Variants in ITGA2 observed in about 807,000 individuals in gnomAD.
The protein encoded by ITGA2 is integrin subunit alpha 2.
A neutral mutation model predicts 146.3 loss-of-function variants in ITGA2; 101 were observed. The observed-to-expected ratio is 0.69, with a 90% confidence interval of 0.59 to 0.81. ITGA2 has a LOEUF of 0.81. ITGA2 is among the 40% of genes least tolerant of loss of function. The pLI, the probability that ITGA2 is intolerant of heterozygous loss-of-function variation, is 0.00. For synonymous variants in ITGA2, 477 were observed against 487.1 expected (o/e 0.98, Z 0.27); for missense variants, 1,281 against 1,402.7 (o/e 0.91, Z 1.39).
At chr5:53,066,342 C>T (rs559709597) in intron 15 of ITGA2, among the ~76,000 whole-genome samples, 18 of 151,836 alleles carry the variant, frequency 1.2e-4, no homozygotes, top group Non-Finnish European at 2.5e-4. Flanking sequence ...AAATTCAGAC[C>T]ACACAAGTAA....
intron 1 of ITGA2, among the ~76,000 whole-genome samples, chr5:53,026,061 A>T (rs1460224342): frequency 6.6e-6 from 1 of 152,234 alleles, no homozygotes; most frequent in Non-Finnish European, 1.5e-5. Context: ...AGAAAGAAGC[A>T]TCAAAAACAA....
intron 9 of ITGA2, 97 bp downstream of exon 9, chr5:53,056,246 A>G (rs768650826): frequency 1.3e-5 from 14 of 1,062,086 alleles, no homozygotes; most frequent in Non-Finnish European, 1.8e-5. Flanking sequence ...CTTGTATACC[A>G]TGTATAAAAA....
intron 1 of ITGA2, among the ~76,000 whole-genome samples, chr5:53,013,374 CTT>C (rs35674544): frequency 7.1e-6 from 1 of 141,320 alleles, no homozygotes; most frequent in Non-Finnish European, 1.6e-5. Context: ...CTATTTCTTT[CTT>C]TTTTTTTTTT....
chr5:53,072,006 C>G lies in ITGA2; in HGVS notation c.2304C>G (p.Ser768Arg), dbSNP rs757218737. The G allele has an allele frequency of 1.2e-6, 2 of 1,612,292 alleles. No individual in the cohort carries two copies. The highest frequency in any genetic ancestry group is 8.5e-7 in the Non-Finnish European group (1 of 1,178,912). Residue 768 changes from serine (S) to arginine (R), a missense_variant, in exon 18 of 30, where the codon AGC becomes AGG. This residue lies in a region of ITGA2 where 475 missense variants were observed against 530.5 expected (regional missense o/e 0.90). Coordinates refer to ENST00000296585, the MANE Select transcript of ITGA2 (RefSeq NM_002203.4). The part of the protein sequence containing the change: ...VDISLENPGT[S>R]PALEAYSETA... ...TCAGTCTGGAAAACCCTGGCACTAG[C>G]CCTGCCCTTGAAGCCTATTCTGAGA...
At chr5:53,036,734 T>G (rs1210086769) in intron 2 of ITGA2, among the ~76,000 whole-genome samples, 1 of 151,704 alleles carries the variant, frequency 6.6e-6, no homozygotes, top group East Asian at 2.0e-4. Flanking sequence ...CCCACTAGAA[T>G]GTAAGCTCCT....
chr5:53,066,096 G>A (rs1231025653), intron 15 of ITGA2, 119 bp downstream of exon 15: 17 of 959,902 alleles, frequency 1.8e-5, no homozygotes, highest in South Asian at 1.4e-4. Flanking sequence ...ATAGGGAATC[G>A]ATGTATCATA....
chr5:52,995,768 G>C (rs914995660), intron 1 of ITGA2, among the ~76,000 whole-genome samples: 2 of 152,196 alleles, frequency 1.3e-5, no homozygotes, highest in Admixed American at 6.5e-5. Context: ...TTGGCACCTA[G>C]AGAATAACTG....
At chr5:53,053,816 A>T (rs1408253876) in intron 7 of ITGA2, among the ~76,000 whole-genome samples, 1 of 152,120 alleles carries the variant, frequency 6.6e-6, no homozygotes, top group Non-Finnish European at 1.5e-5. Context: ...AGATAATCTG[A>T]AATTATTTCA....
chr5:53,094,106 A>G lies in ITGA2; in HGVS notation c.*3507A>G. 1 of 152,688 alleles carries G rather than the reference A, an allele frequency of 6.5e-6. No individual in the cohort carries two copies. 9.5% of individuals were successfully genotyped at this position (152,688 alleles called of 1,614,324 possible). A position where few individuals can be genotyped will look rare whatever the true frequency, so the allele number is the denominator to read the frequency against. On this transcript the variant is annotated 3_prime_UTR_variant, in exon 30 of 30. Transcript: ENST00000296585. ...CTATAACCCAATATATGAAAATCTCAAAAATTAAGACATCATCATACAGAA... is the reference window on the plus strand; with the variant it reads ...CTATAACCCAATATATGAAAATCTCGAAAATTAAGACATCATCATACAGAA...
In ITGA2 at chr5:53,059,911, G is replaced by A; in HGVS notation, c.1211G>A (p.Trp404Ter). The A allele has an allele frequency of 6.2e-7, 1 of 1,612,302 alleles. No homozygotes were observed. The highest frequency in any genetic ancestry group is 8.5e-7 in the Non-Finnish European group (1 of 1,178,936). ...CTGGGTGCAGTGGGAGCTTTTGGCT[G>A]GAGTGGGACCATTGTCCAGAAGACA... ...LMLGAVGAFG[W>*]SGTIVQKTSH... is the part of the protein sequence containing the mutation. Residue 404 changes from tryptophan (W) to a stop codon, truncating the protein, a stop_gained, in exon 11 of 30, where the codon TGG becomes TAG. Coordinates refer to ENST00000296585, the MANE Select transcript of ITGA2 (RefSeq NM_002203.4). LOFTEE classifies it high-confidence loss of function.
chr5:53,047,426 G>T (rs780509171), intron 4 of ITGA2, among the ~76,000 whole-genome samples: 1 of 152,108 alleles, frequency 6.6e-6, no homozygotes, highest in Non-Finnish European at 1.5e-5. Context: ...GAGAGAATTG[G>T]GATTGCATTA....
At chr5:53,039,720 A>G (rs13356629) in intron 2 of ITGA2, among the ~76,000 whole-genome samples, 13,875 of 140,166 alleles carry the variant, frequency 0.099, 835 homozygotes, top group African/African-American at 0.15. Context: ...AGCCTAGGCA[A>G]CAGAGTGAGA....
chr5:53,001,864 T>G (rs1269745243), intron 1 of ITGA2, among the ~76,000 whole-genome samples: 1 of 151,614 alleles, frequency 6.6e-6, no homozygotes, highest in Non-Finnish European at 1.5e-5. Context: ...CTGAGTCATT[T>G]CTCTGAACTT....
chr5:53,082,798 T>C (rs1329807184), intron 26 of ITGA2, among the ~76,000 whole-genome samples: 1 of 152,212 alleles, frequency 6.6e-6, no homozygotes, highest in Non-Finnish European at 1.5e-5. Context: ...ACAGTGTATA[T>C]TCACTGCCCT....
chr5:53,063,561 T>TA (rs1245477075), intron 13 of ITGA2, among the ~76,000 whole-genome samples: 3 of 151,510 alleles, frequency 2.0e-5, no homozygotes, highest in African/African-American at 4.8e-5. Context: ...CTCCATGAAA[T>TA]AAAAAAAGAA....
At chr5:52,993,599 C>T (rs1240942489) in intron 1 of ITGA2, among the ~76,000 whole-genome samples, 3 of 152,178 alleles carry the variant, frequency 2.0e-5, no homozygotes, top group Non-Finnish European at 4.4e-5. Flanking sequence ...ATGATGACTA[C>T]TCCCTGTCTT....
At chr5:53,049,454 T>G (rs1579852264) in intron 6 of ITGA2, among the ~76,000 whole-genome samples, 1 of 152,238 alleles carries the variant, frequency 6.6e-6, no homozygotes, top group African/African-American at 2.4e-5. Flanking sequence ...GGTAAAACAA[T>G]TATTGAATTC....
intron 1 of ITGA2, among the ~76,000 whole-genome samples, chr5:53,009,949 A>C (rs991036096): frequency 2.0e-5 from 3 of 152,176 alleles, no homozygotes; most frequent in African/African-American, 7.2e-5. Flanking sequence ...TTGGCCACCC[A>C]GTCTATGGTA....
At chr5:53,088,719 C>T (rs1462734751) in intron 28 of ITGA2, among the ~76,000 whole-genome samples, 1 of 147,992 alleles carries the variant, frequency 6.8e-6, no homozygotes, top group Non-Finnish European at 1.5e-5. Flanking sequence ...AGAGAAAGTA[C>T]TTTTAATGGC....
Sources: gnomAD v4.1 joint callset for allele counts (sites outside exome capture counted in the v4.1 genomes callset) on GRCh38, gnomAD v4.1.1 for gene constraint, gnomAD v4.1.1 regional missense constraint, MANE v1.5 for transcripts, NCBI Gene and HGNC (gene_info 2026-07-23, HGNC 2026-07-21) for gene names.